RELN: variants seen among roughly 807,000 people sequenced by gnomAD.
RELN encodes reelin.
RELN carries 108 observed loss-of-function variants against 427.6 expected under a neutral mutation model. The observed-to-expected ratio is 0.25, with a 90% CI of 0.22 to 0.30. The LOEUF (loss-of-function observed/expected upper bound fraction) is 0.30, where lower values mean the gene tolerates loss of function less well. RELN is among the 10% of genes least tolerant of loss of function. The pLI is 1.00. For missense variants in RELN, 3,715 were observed against 4,302.8 expected (o/e 0.86, Z 3.82); for synonymous variants, 1,524 against 1,513.4 (o/e 1.01, Z -0.16).
chr7:103,922,754 A>T (rs1795643999), intron 1 of RELN, among the ~76,000 whole-genome samples: 1 of 152,196 alleles, frequency 6.6e-6, no homozygotes, highest in Non-Finnish European at 1.5e-5. Context: ...TCTAAAAGAA[A>T]ATAAATTTAG....
chr7:103,549,800 T>C (rs1830374112), intron 41 of RELN, among the ~76,000 whole-genome samples: 1 of 152,234 alleles, frequency 6.6e-6, no homozygotes. Flanking sequence ...TAAGCCTCTT[T>C]ATATTTCTTG....
intron 2 of RELN, among the ~76,000 whole-genome samples, chr7:103,908,054 T>G (rs1795256781): frequency 6.6e-6 from 1 of 152,200 alleles, no homozygotes; most frequent in South Asian, 2.1e-4. Flanking sequence ...GAACATGAGG[T>G]GGACACCTGG....
chr7:103,629,896 A>T (rs770348759), intron 20 of RELN, 44 bp downstream of exon 20: 2 of 1,191,140 alleles, frequency 1.7e-6, no homozygotes, highest in Non-Finnish European at 2.5e-6. Context: ...TCATGTTCTA[A>T]TTCCTAGTGC....
intron 38 of RELN, among the ~76,000 whole-genome samples, chr7:103,556,766 G>A (rs779614977): frequency 2.6e-5 from 4 of 152,182 alleles, no homozygotes; most frequent in Admixed American, 2.6e-4. Flanking sequence ...GTGTAAGTCC[G>A]ATTAAACCTC....
chr7:103,655,947 T>A (rs1833014154), intron 12 of RELN, among the ~76,000 whole-genome samples: 1 of 152,118 alleles, frequency 6.6e-6, no homozygotes. Context: ...AGTCTATTGA[T>A]GAGAATTATG....
intron 3 of RELN, among the ~76,000 whole-genome samples, chr7:103,789,997 T>C (rs1416680520): frequency 6.6e-6 from 1 of 152,316 alleles, no homozygotes; most frequent in East Asian, 1.9e-4. Flanking sequence ...CACAATGCTA[T>C]GTAGCCATAA....
intron 28 of RELN, among the ~76,000 whole-genome samples, chr7:103,589,089 T>G (rs951051572): frequency 6.6e-6 from 1 of 152,236 alleles, no homozygotes; most frequent in East Asian, 1.9e-4. Context: ...TTCATACATC[T>G]GCTTTTGTGA....
chr7:103,645,001 A>T lies in RELN; in HGVS notation c.2003-4392T>A, dbSNP rs1832770248. On this transcript the variant is annotated intron_variant, in intron 16 of 64. Coordinates refer to ENST00000428762, the MANE Select transcript of RELN (RefSeq NM_005045.4). ...TAGGTTTCTAAAGAAAAAAACTATT[A>T]ACCAGGAATTTTGTATTCTATTAGA... 2.0e-5 allele frequency among the ~76,000 whole-genome samples: 3 copies of T among 151,918 alleles called. No individual in the cohort carries two copies. In the South Asian group the frequency reaches 6.2e-4, roughly 31 times the overall value.
At chr7:103,656,348 T>C (rs1204835553) in intron 12 of RELN, among the ~76,000 whole-genome samples, 1 of 152,116 alleles carries the variant, frequency 6.6e-6, no homozygotes, top group African/African-American at 2.4e-5. Context: ...GGAAGTTGGC[T>C]TGATGGCAGA....
intron 16 of RELN, among the ~76,000 whole-genome samples, chr7:103,641,288 G>C (rs951279142): frequency 3.3e-5 from 5 of 152,106 alleles, no homozygotes; most frequent in African/African-American, 1.2e-4. Context: ...CATTTTTTAG[G>C]CATAAGCAAA....
rs1023909392 is a variant in RELN at position 103,749,332 on chromosome 7, T to C, written c.656+94A>G. ...CTCACTGATAGCTTAGCACTAAAGA[T>C]CAACTTAATTTTAAGTAACTGCTCC... On this transcript the variant is annotated intron_variant, in intron 6 of 64. Transcript: ENST00000428762. The C allele has an allele frequency of 3.0e-5, 29 of 964,394 alleles. No homozygotes were observed. The African/African-American group carries it at 4.6e-4, about 15-fold the overall frequency. The allele number at this position is 964,394 out of a possible 1,614,324, so 59.7% of individuals were successfully genotyped here. A position where few individuals can be genotyped will look rare whatever the true frequency, so the allele number is the denominator to read the frequency against.
At chr7:103,849,177 A>G (rs28677124) in intron 2 of RELN, among the ~76,000 whole-genome samples, 1 of 152,232 alleles carries the variant, frequency 6.6e-6, no homozygotes, top group Non-Finnish European at 1.5e-5. Flanking sequence ...TTGTAATCTC[A>G]GTCAAAGCAA....
intron 1 of RELN, among the ~76,000 whole-genome samples, chr7:103,962,039 T>A (rs1796567992): frequency 6.6e-6 from 1 of 152,152 alleles, no homozygotes; most frequent in Non-Finnish European, 1.5e-5. Flanking sequence ...AAGACTGTAT[T>A]TCTTTTTCTT....
intron 22 of RELN, among the ~76,000 whole-genome samples, chr7:103,605,048 T>C (rs1831785060): frequency 6.6e-6 from 1 of 152,218 alleles, no homozygotes; most frequent in South Asian, 2.1e-4. Flanking sequence ...CAGGCTGCTC[T>C]TGAACTCCTG....
At position 103,989,386 on chromosome 7, in the gene RELN, C is replaced by CGT; in HGVS notation, c.-31_-30insAC. On this transcript the variant is annotated 5_prime_UTR_variant, in exon 1 of 65. Transcript: ENST00000428762. The surrounding 1 kb of genome is among the most constrained non-coding windows in gnomAD (Gnocchi z 4.9). ...CCGCCGCCGCCGCCGCCGCCGCGCG[C>CGT]CCTACGCGCCGCTCGCTCATTCAGT... The CGT allele has an allele frequency of 7.0e-7, 1 of 1,429,250 alleles. No homozygotes were observed. Among genetic ancestry groups the CGT allele is most frequent in the Non-Finnish European group, 9.1e-7 (1 of 1,103,036 alleles). The allele number at this position is 1,429,250 out of a possible 1,614,324, so 88.5% of individuals were successfully genotyped here. A position where few individuals can be genotyped will look rare whatever the true frequency, so the allele number is the denominator to read the frequency against.
At chr7:103,973,973 T>A (rs778881868) in intron 1 of RELN, among the ~76,000 whole-genome samples, 1 of 152,050 alleles carries the variant, frequency 6.6e-6, no homozygotes, top group African/African-American at 2.4e-5. Context: ...TGAAACCCCA[T>A]CTCTACTAAA....
chr7:103,740,999 G>C (rs1363209448), intron 6 of RELN, among the ~76,000 whole-genome samples: 1 of 152,150 alleles, frequency 6.6e-6, no homozygotes, highest in Non-Finnish European at 1.5e-5. Flanking sequence ...TGTGGCAGTG[G>C]CATAGGGACC....
chr7:103,934,936 T>C (rs1477873638), intron 1 of RELN, among the ~76,000 whole-genome samples: 7 of 152,302 alleles, frequency 4.6e-5, no homozygotes, highest in African/African-American at 1.7e-4. Flanking sequence ...ACCTATTTAC[T>C]TACCTAGACG....
intron 2 of RELN, among the ~76,000 whole-genome samples, chr7:103,871,113 T>TG (rs1794322735): frequency 6.6e-6 from 1 of 152,132 alleles, no homozygotes; most frequent in South Asian, 2.1e-4. Context: ...AGATTGATTA[T>TG]GGTGGGTTAT....
Sources: gnomAD v4.1 joint callset for allele counts (sites outside exome capture counted in the v4.1 genomes callset) on GRCh38, gnomAD v4.1.1 for gene constraint, Gnocchi (gnomAD v3.1) non-coding constraint, MANE v1.5 for transcripts, NCBI Gene and HGNC (gene_info 2026-07-23, HGNC 2026-07-21) for gene names.